Variants in CNTN5 observed in about 807,000 individuals in gnomAD.
CNTN5 encodes contactin-5.
A neutral mutation model predicts 129.1 loss-of-function variants in CNTN5; 77 were observed. That is an observed-to-expected ratio of 0.60 (90% CI 0.50 to 0.72). The LOEUF is 0.72. Among genes scored for constraint, CNTN5 ranks in the 30% least tolerant of loss-of-function variants. The probability of loss-of-function intolerance (pLI) is 0.00; values close to 1 mark genes in which losing one functional copy is unlikely to be tolerated. For synonymous variants in CNTN5, 509 were observed against 465.6 expected, an observed-to-expected ratio of 1.09 and a Z score of -1.20; for missense variants, 1,478 against 1,328.8, an observed-to-expected ratio of 1.11 and a Z score of -1.75.
At chr11:99,277,482 A>G (rs764719019) in intron 1 of CNTN5, among the ~76,000 whole-genome samples, 1 of 151,712 alleles carries the variant, frequency 6.6e-6, no homozygotes, top group Non-Finnish European at 1.5e-5. Context: ...TGTCATTACC[A>G]GACTGCTATG....
chr11:99,279,398 A>C (rs1033253124), intron 1 of CNTN5, among the ~76,000 whole-genome samples: 1 of 151,840 alleles, frequency 6.6e-6, no homozygotes, highest in African/African-American at 2.4e-5. Flanking sequence ...GCTATGCTGC[A>C]CTGAATTCTA....
chr11:99,467,908 A>G (rs1229953805), intron 2 of CNTN5, among the ~76,000 whole-genome samples: 1 of 152,026 alleles, frequency 6.6e-6, no homozygotes, highest in Non-Finnish European at 1.5e-5. Context: ...TTTAGGTGGT[A>G]TTGAGATTGG....
At chr11:99,861,648 T>C (rs1948210444) in intron 6 of CNTN5, among the ~76,000 whole-genome samples, 1 of 152,176 alleles carries the variant, frequency 6.6e-6, no homozygotes, top group Non-Finnish European at 1.5e-5. Flanking sequence ...ACTATAAATA[T>C]TATCAGGTCA....
chr11:99,751,760 C>T lies in CNTN5; in HGVS notation c.56-67784C>T, dbSNP rs1034874266. Reference sequence around the variant, plus strand: ...TCATAGGCTATAGTTTGAATGTTCACGTTGCCTTCAAACTTCATGTTGAAA... The same window carrying T: ...TCATAGGCTATAGTTTGAATGTTCATGTTGCCTTCAAACTTCATGTTGAAA... On this transcript the variant is annotated intron_variant, in intron 3 of 24. Transcript: ENST00000524871. Among the ~76,000 whole-genome samples the T allele has an allele frequency of 2.3e-4, 35 of 152,172 alleles. 1 individual carries two copies. The highest frequency in any genetic ancestry group is 2.6e-4 in the Admixed American group (4 of 15,278).
intron 1 of CNTN5, among the ~76,000 whole-genome samples, chr11:99,244,031 T>C (rs11219041): frequency 0.16 from 23,775 of 152,160 alleles, 1,970 homozygotes; most frequent in South Asian, 0.26. Flanking sequence ...AGGAATATCA[T>C]TGAATCTGTA....
chr11:99,163,728 C>G (rs1277123626), intron 1 of CNTN5, among the ~76,000 whole-genome samples: 1 of 152,154 alleles, frequency 6.6e-6, no homozygotes, highest in African/African-American at 2.4e-5. Flanking sequence ...ATAAGAATTA[C>G]TAGACATGCT....
intron 1 of CNTN5, among the ~76,000 whole-genome samples, chr11:99,085,487 C>T (rs1356883506): frequency 1.3e-5 from 2 of 151,106 alleles, no homozygotes; most frequent in Non-Finnish European, 2.9e-5. Context: ...CTTTTTGGTG[C>T]CTTGTAAGAG....
At chr11:99,364,869 T>A (rs1171571369) in intron 2 of CNTN5, among the ~76,000 whole-genome samples, 1 of 152,016 alleles carries the variant, frequency 6.6e-6, no homozygotes, top group African/African-American at 2.4e-5. Context: ...GATCCACAGG[T>A]GCTGTTGAGG....
intron 1 of CNTN5, among the ~76,000 whole-genome samples, chr11:99,316,499 G>C (rs145750907): frequency 6.6e-6 from 1 of 152,202 alleles, no homozygotes; most frequent in East Asian, 1.9e-4. Flanking sequence ...GAGACTCATA[G>C]AGTGATGAAA....
intron 2 of CNTN5, among the ~76,000 whole-genome samples, chr11:99,409,855 G>A (rs1265356279): frequency 6.8e-6 from 1 of 146,280 alleles, no homozygotes; most frequent in Non-Finnish European, 1.5e-5. Context: ...GAAGAAAAAG[G>A]ATGTGATATT....
chr11:99,658,855 T>A (rs959174860), intron 3 of CNTN5, among the ~76,000 whole-genome samples: 3 of 130,364 alleles, frequency 2.3e-5, no homozygotes, highest in Non-Finnish European at 3.1e-5. Context: ...ACCATTGCAC[T>A]CCAGACTGGG....
chr11:99,699,543 T>C (rs1270009182), intron 3 of CNTN5, among the ~76,000 whole-genome samples: 1 of 151,480 alleles, frequency 6.6e-6, no homozygotes, highest in African/African-American at 2.4e-5. Flanking sequence ...AATACTCTGA[T>C]TTTTTATCTA....
At chr11:99,594,936 A>G (rs1950081589) in intron 3 of CNTN5, among the ~76,000 whole-genome samples, 1 of 152,196 alleles carries the variant, frequency 6.6e-6, no homozygotes, top group African/African-American at 2.4e-5. Flanking sequence ...ATTAAAGACA[A>G]CATTAAGTGA....
chr11:99,684,434 C>T (rs1953696770), intron 3 of CNTN5, among the ~76,000 whole-genome samples: 5 of 151,774 alleles, frequency 3.3e-5, no homozygotes, highest in Admixed American at 3.3e-4. Flanking sequence ...AAGTTAAAAT[C>T]CTTCTCTTCC....
chr11:100,023,912 T>C (rs1280781549), intron 9 of CNTN5, among the ~76,000 whole-genome samples: 1 of 152,184 alleles, frequency 6.6e-6, no homozygotes, highest in Admixed American at 6.5e-5. Context: ...ATTCAGCTAC[T>C]AAAGGACTCT....
At chr11:99,721,043 C>A (rs1445658510) in intron 3 of CNTN5, among the ~76,000 whole-genome samples, 1 of 152,088 alleles carries the variant, frequency 6.6e-6, no homozygotes, top group Non-Finnish European at 1.5e-5. Context: ...TAATCAGTAT[C>A]ATTAAAATGG....
chr11:99,435,718 G>A (rs1459603264), intron 2 of CNTN5, among the ~76,000 whole-genome samples: 1 of 152,178 alleles, frequency 6.6e-6, no homozygotes, highest in African/African-American at 2.4e-5. Context: ...ATTGGGACTA[G>A]TTCTGTCTAT....
chr11:99,570,027 T>G (rs1024437574), intron 3 of CNTN5, among the ~76,000 whole-genome samples: 2 of 151,984 alleles, frequency 1.3e-5, no homozygotes, highest in African/African-American at 2.4e-5. Flanking sequence ...GGTAAGATAT[T>G]TGAATAGTCA....
chr11:99,467,572 C>T (rs1317033077), intron 2 of CNTN5, among the ~76,000 whole-genome samples: 6 of 152,002 alleles, frequency 3.9e-5, no homozygotes, highest in Non-Finnish European at 7.4e-5. Flanking sequence ...TTTGTTCTTG[C>T]CCCAATATTA....
Sources: allele counts gnomAD v4.1 joint callset (sites outside exome capture counted in the v4.1 genomes callset), GRCh38; gene constraint gnomAD v4.1.1; transcripts MANE v1.5; gene names NCBI Gene and HGNC (gene_info 2026-07-23, HGNC 2026-07-21).